ROBO2: variants seen among roughly 807,000 people sequenced by gnomAD.
ROBO2 encodes roundabout guidance receptor 2.
Under a neutral mutation model 160.8 loss-of-function variants are expected in ROBO2, and 53 were observed. The ratio of observed to expected loss-of-function variants is 0.33; its 90% CI spans 0.26 to 0.41. The LOEUF is 0.41. Among genes scored for constraint, ROBO2 ranks in the 10% least tolerant of loss-of-function variants. The pLI is 1.00. For missense variants in ROBO2, 1,577 were observed against 1,722.4 expected (o/e 0.92, Z 1.49); for synonymous variants, 664 against 611.7 (o/e 1.09, Z -1.26).
intron 2 of ROBO2, among the ~76,000 whole-genome samples, chr3:77,194,616 G>A (rs1026410036): frequency 6.6e-6 from 1 of 152,034 alleles, no homozygotes; most frequent in African/African-American, 2.4e-5. Flanking sequence ...GGTAAATCTT[G>A]TTTATAAATC....
intron 2 of ROBO2, among the ~76,000 whole-genome samples, chr3:77,358,861 A>C (rs2069509945): frequency 6.6e-6 from 1 of 152,212 alleles, no homozygotes; most frequent in African/African-American, 2.4e-5. Flanking sequence ...TAAGTTGTTG[A>C]ATAAATGACC....
At chr3:76,864,857 T>G (rs1160643208) in intron 2 of ROBO2, among the ~76,000 whole-genome samples, 1 of 152,104 alleles carries the variant, frequency 6.6e-6, no homozygotes, top group African/African-American at 2.4e-5. Flanking sequence ...GCTAAATAGA[T>G]TTGTACTAAA....
rs1559566757 is a variant in ROBO2, at chr3:76,119,921, CCTTCCTTCCTT to C, written c.109+182321_109+182331del. ...CTTCCCTTCCTTCCCTCCCTCCCTT[CCTTCCTTCCTT>C]CCTTCCTTCCTTCCTTCCTTCCTTC... On this transcript the variant is annotated intron_variant, in intron 2 of 26. Coordinates refer to the ROBO2 transcript ENST00000487694. Among the ~76,000 whole-genome samples the C allele has an allele frequency of 7.4e-3, 318 of 42,732 alleles. 14 individuals carry two copies. Among genetic ancestry groups the C allele is most frequent in the African/African-American group, 0.014 (249 of 17,948 alleles). 28.0% of individuals were successfully genotyped at this position (42,732 alleles called of 152,430 possible). A position where few individuals can be genotyped will look rare whatever the true frequency, so the allele number is the denominator to read the frequency against.
chr3:77,212,694 T>A (rs1353647102), intron 2 of ROBO2, among the ~76,000 whole-genome samples: 1 of 152,222 alleles, frequency 6.6e-6, no homozygotes, highest in African/African-American at 2.4e-5. Context: ...CCATTCAGTA[T>A]GATATTGGCT....
intron 2 of ROBO2, among the ~76,000 whole-genome samples, chr3:77,251,825 G>A (rs1006171136): frequency 2.0e-5 from 3 of 152,060 alleles, no homozygotes; most frequent in Non-Finnish European, 2.9e-5. Context: ...TGCTTTCGCC[G>A]TCCACCCTGA....
intron 2 of ROBO2, among the ~76,000 whole-genome samples, chr3:77,231,321 C>G (rs1430265049): frequency 6.8e-6 from 1 of 146,018 alleles, no homozygotes; most frequent in Non-Finnish European, 1.5e-5. Flanking sequence ...CAAGATCACG[C>G]CACTGTACTC....
intron 2 of ROBO2, among the ~76,000 whole-genome samples, chr3:76,946,005 T>G (rs1266421598): frequency 6.6e-6 from 1 of 152,226 alleles, no homozygotes; most frequent in Non-Finnish European, 1.5e-5. Context: ...ATGGCAAATT[T>G]TACCTTTTTT....
At chr3:76,301,719 G>T (rs534596734) in intron 2 of ROBO2, among the ~76,000 whole-genome samples, 1 of 151,964 alleles carries the variant, frequency 6.6e-6, no homozygotes, top group Admixed American at 6.6e-5. Flanking sequence ...ATGTATTCTC[G>T]TTTTCTCTCA....
intron 2 of ROBO2, among the ~76,000 whole-genome samples, chr3:77,402,546 T>C (rs982554211): frequency 2.5e-4 from 38 of 152,112 alleles, no homozygotes; most frequent in Non-Finnish European, 4.7e-4. Context: ...CTTCTGAATA[T>C]CTCAGGAGTT....
chr3:76,567,198 C>G lies in ROBO2; in HGVS notation c.110-530816C>G, dbSNP rs144834064. Among the ~76,000 whole-genome samples, 513 of 152,158 alleles carry G rather than the reference C, an allele frequency of 3.4e-3. 3 individuals are homozygous for G. The highest frequency in any genetic ancestry group is 0.024 in the Middle Eastern group (7 of 294). On this transcript the variant is annotated intron_variant, in intron 2 of 26. Coordinates refer to the ROBO2 transcript ENST00000487694. ...AAAAAGGAGGAAAAGTAGCAATAAC[C>G]TTGAAGAAACAGCCAATCTTATATT...
chr3:76,347,680 G>A (rs560781515), intron 2 of ROBO2, among the ~76,000 whole-genome samples: 1 of 151,946 alleles, frequency 6.6e-6, no homozygotes, highest in South Asian at 2.1e-4. Flanking sequence ...GACAAAAGGG[G>A]TGGTCATATT....
chr3:76,072,654 T>C (rs2068501153), intron 2 of ROBO2, among the ~76,000 whole-genome samples: 1 of 152,222 alleles, frequency 6.6e-6, no homozygotes, highest in Non-Finnish European at 1.5e-5. Context: ...ATAGTATTTC[T>C]TAATATCATA....
At chr3:77,139,123 G>T (rs1048041634) in intron 2 of ROBO2, among the ~76,000 whole-genome samples, 1 of 152,072 alleles carries the variant, frequency 6.6e-6, no homozygotes, top group Non-Finnish European at 1.5e-5. Context: ...AACAAAAACA[G>T]CAATAGAGGA....
In ROBO2 at chr3:77,380,287, T is replaced by C. The variant is rs370769874; in HGVS notation, c.389-97127T>C. ...ATGAAACACACTAGCATGTCTCATC[T>C]GTTCCTTCTTGATGATCTGTCCTCC... On this transcript the variant is annotated intron_variant, in intron 2 of 25. Coordinates refer to ENST00000461745, the Ensembl canonical transcript of ROBO2. 2.6e-5 allele frequency among the ~76,000 whole-genome samples: 4 copies of C among 152,350 alleles called. No individual in the cohort carries two copies. The East Asian group carries it at 7.7e-4, about 29-fold the overall frequency.
intron 2 of ROBO2, among the ~76,000 whole-genome samples, chr3:77,125,197 G>T (rs1041133288): frequency 6.6e-6 from 1 of 152,070 alleles, no homozygotes; most frequent in Non-Finnish European, 1.5e-5. Flanking sequence ...CACACTTAGT[G>T]GAAAAACCAT....
intron 2 of ROBO2, among the ~76,000 whole-genome samples, chr3:77,155,797 C>T (rs977240512): frequency 1.3e-5 from 2 of 152,056 alleles, no homozygotes; most frequent in African/African-American, 2.4e-5. Flanking sequence ...CCCTCAAAAG[C>T]ACTTCATGTC....
intron 2 of ROBO2, among the ~76,000 whole-genome samples, chr3:76,129,907 A>G (rs2071160271): frequency 6.6e-6 from 1 of 152,054 alleles, no homozygotes; most frequent in East Asian, 1.9e-4. Context: ...ATTTTAGTTG[A>G]AAGTTTTCTC....
chr3:77,219,254 G>A (rs751134107), intron 2 of ROBO2, among the ~76,000 whole-genome samples: 11 of 151,634 alleles, frequency 7.3e-5, no homozygotes, highest in African/African-American at 2.7e-4. Flanking sequence ...ACAGACAGGC[G>A]TGAGCCACCG....
intron 2 of ROBO2, among the ~76,000 whole-genome samples, chr3:77,393,550 A>T (rs1263009729): frequency 6.7e-6 from 1 of 148,980 alleles, no homozygotes; most frequent in Admixed American, 6.7e-5. Flanking sequence ...ATTATATTTT[A>T]TATATAGTTA....
Sources: gnomAD v4.1 joint callset for allele counts (sites outside exome capture counted in the v4.1 genomes callset) on GRCh38, gnomAD v4.1.1 for gene constraint, MANE v1.5 for transcripts, NCBI Gene and HGNC (gene_info 2026-07-23, HGNC 2026-07-21) for gene names.